Variants in UPF2 observed in about 807,000 individuals in gnomAD.
UPF2 encodes regulator of nonsense transcripts 2.
Under a neutral mutation model 141.4 loss-of-function variants are expected in UPF2, and 17 were observed. That is an observed-to-expected ratio of 0.12 (90% CI 0.08 to 0.18). UPF2 has a LOEUF of 0.18. Ranked by LOEUF, UPF2 falls within the 10% of genes least tolerant of loss-of-function variation. UPF2 has a pLI of 1.00. For missense variants in UPF2, 1,152 were observed against 1,515.9 expected (o/e 0.76, Z 3.99); for synonymous variants, 540 against 498.0 (o/e 1.08, Z -1.12).
chr10:12,031,981 G>A (rs1291558980), intron 2 of UPF2, among the ~76,000 whole-genome samples: 3 of 152,128 alleles, frequency 2.0e-5, no homozygotes, highest in African/African-American at 4.8e-5. Context: ...AAAATGAGCA[G>A]TGAAAGTACA....
chr10:11,967,467 A>G lies in UPF2; in HGVS notation c.1954-13T>C, dbSNP rs1036591684. 1.3e-6 allele frequency: 2 copies of G among 1,482,764 alleles called. No individual in the cohort carries two copies. The highest frequency in any genetic ancestry group is 2.9e-5 in the African/African-American group (2 of 69,748). 91.9% of individuals were successfully genotyped at this position (1,482,764 alleles called of 1,614,324 possible). On this transcript the variant is annotated splice_polypyrimidine_tract_variant and intron_variant, in intron 9 of 21. Coordinates refer to ENST00000357604, the MANE Select transcript of UPF2 (RefSeq NM_015542.4). ...CCTTTTTCCGTACCTAAAAATTAAG[A>G]GAGAAAAGATAATGCTTAATCAACA...
chr10:11,999,909 G>A lies in UPF2; in HGVS notation c.1755C>T (p.Asp585=). The A allele has an allele frequency of 6.2e-7, 1 of 1,612,844 alleles. No individual in the cohort carries two copies. Among genetic ancestry groups the A allele is most frequent in the African/African-American group, 1.3e-5 (1 of 74,984 alleles). Residue 585 remains aspartate (D), a synonymous_variant, in exon 7 of 22, where the codon GAC becomes GAT. Transcript: ENST00000357604. ...LPNCVNRDLI[D]KAAMDFCMNM... ...AGTTACACAGAGATACCAATACCTT[G>A]TCTATCAGATCTCGGTTGACACAGT...
chr10:11,946,391 A>G (rs1363652859), intron 16 of UPF2, among the ~76,000 whole-genome samples: 1 of 152,218 alleles, frequency 6.6e-6, no homozygotes, highest in African/African-American at 2.4e-5. Context: ...TTGCAAATCT[A>G]TCTTATGAAT....
intron 9 of UPF2, among the ~76,000 whole-genome samples, chr10:11,968,862 CTTTCT>C (rs1463180013): frequency 1.3e-5 from 2 of 152,126 alleles, no homozygotes; most frequent in African/African-American, 2.4e-5. Context: ...TAGTTTAGCA[CTTTCT>C]TTTCTTGTTT....
intron 16 of UPF2, among the ~76,000 whole-genome samples, chr10:11,946,393 C>T (rs1354532255): frequency 1.3e-5 from 2 of 152,168 alleles, no homozygotes; most frequent in Non-Finnish European, 2.9e-5. Context: ...GCAAATCTAT[C>T]TTATGAATGT....
Position 12,028,807 on chromosome 10 carries a change from C to G in UPF2, c.1083G>C (p.Thr361=), listed in dbSNP as rs531791771. The G allele has an allele frequency of 1.2e-6, 2 of 1,614,072 alleles. No homozygotes were observed. The highest frequency in any genetic ancestry group is 2.2e-5 in the East Asian group (1 of 44,876). The change falls in exon 3 of 22, where the codon ACG becomes ACC. Residue 361 remains threonine (T), a synonymous_variant. Coordinates refer to ENST00000357604, the MANE Select transcript of UPF2 (RefSeq NM_015542.4). ...PFQNLLKEYF[T]SLTKHLKRDH... ...CCCTTTTCAGGTGTTTGGTCAAAGA[C>G]GTAAAGTACTCTTTTAAAAGATTCT...
intron 18 of UPF2, among the ~76,000 whole-genome samples, chr10:11,941,724 C>T (rs1458064569): frequency 6.6e-6 from 1 of 152,196 alleles, no homozygotes; most frequent in African/African-American, 2.4e-5. Flanking sequence ...GGCCTGCATC[C>T]TGCCATTCGA....
chr10:11,947,374 T>A (rs1270881779), intron 16 of UPF2, among the ~76,000 whole-genome samples: 1 of 152,220 alleles, frequency 6.6e-6, no homozygotes. Flanking sequence ...AGATTTCATA[T>A]AACCATGAGA....
At chr10:11,947,517 CACACCCAT>C (rs1833016107) in intron 16 of UPF2, among the ~76,000 whole-genome samples, 1 of 152,092 alleles carries the variant, frequency 6.6e-6, no homozygotes, top group African/African-American at 2.4e-5. Context: ...TGCAATGGCT[CACACCCAT>C]AATCCCAGCT....
At chr10:12,035,617 T>C (rs1296918121) in intron 1 of UPF2, 176 bp from the exon 2 acceptor site, 3 of 668,302 alleles carry the variant, frequency 4.5e-6, no homozygotes, top group African/African-American at 3.8e-5. Flanking sequence ...ACATTCCACA[T>C]CCTATCATTA....
chr10:11,972,547 G>A (rs935851592), intron 9 of UPF2, among the ~76,000 whole-genome samples: 8 of 151,968 alleles, frequency 5.3e-5, no homozygotes, highest in African/African-American at 1.7e-4. Context: ...TCCACTCCAC[G>A]ACAGGCCCCG....
intron 1 of UPF2, chr10:12,035,755 ACTCC>A: frequency 5.1e-6 from 1 of 195,654 alleles, no homozygotes. Context: ...GCCACTATCA[ACTCC>A]AAAACAATAT....
chr10:11,975,981 TA>T (rs1174016488), intron 9 of UPF2, among the ~76,000 whole-genome samples: 1 of 152,230 alleles, frequency 6.6e-6, no homozygotes, highest in East Asian at 1.9e-4. Context: ...TTTGTTTACT[TA>T]GGACATGTCC....
rs112489937 is a variant in UPF2 at position 11,963,327 on chromosome 10, TATTCATTC to T, written c.2184+674_2184+681del. Among the ~76,000 whole-genome samples the T allele has an allele frequency of 2.2e-4, 32 of 144,880 alleles. 1 individual carries two copies. The Middle Eastern group carries it at 0.015, about 67-fold the overall frequency. ...CATCCCTCCTATCTAGCTGTGTGAG[TATTCATTC>T]ATTCATTCATTCATTCATTCGAGAC... is the stretch of plus-strand genomic sequence containing the variant. On this transcript the variant is annotated intron_variant, in intron 11 of 21. Transcript: ENST00000357604.
intron 3 of UPF2, among the ~76,000 whole-genome samples, chr10:12,015,512 G>A (rs1720841004): frequency 6.6e-6 from 1 of 152,200 alleles, no homozygotes; most frequent in Admixed American, 6.5e-5. Context: ...GACCAGCCTG[G>A]TCAACATGGC....
At chr10:11,993,534 A>G (rs917582901) in intron 8 of UPF2, among the ~76,000 whole-genome samples, 9 of 151,604 alleles carry the variant, frequency 5.9e-5, no homozygotes, top group African/African-American at 2.2e-4. Context: ...TCCAAAAAAA[A>G]AACCAGACAG....
Position 12,042,733 on chromosome 10 carries a change from A to T in UPF2, c.-19+22T>A, listed in dbSNP as rs1288454557. 1 of 151,774 alleles carries T rather than the reference A, an allele frequency of 6.6e-6. No individual in the cohort carries two copies. Among genetic ancestry groups the T allele is most frequent in the Non-Finnish European group, 1.5e-5 (1 of 68,166 alleles). 9.4% of individuals were successfully genotyped at this position (151,774 alleles called of 1,614,324 possible). On this transcript the variant is annotated intron_variant, in intron 1 of 21. Coordinates refer to ENST00000357604, the MANE Select transcript of UPF2 (RefSeq NM_015542.4). The surrounding 1 kb of genome is among the most constrained non-coding windows in gnomAD (Gnocchi z 5.5). ...CCTCCCGATCGTTGGAGCGGAGGGG[A>T]AGGAGGATCCCCGGGACTCACCTCG...
At chr10:11,954,091 T>A (rs1056097288) in intron 14 of UPF2, among the ~76,000 whole-genome samples, 11 of 152,196 alleles carry the variant, frequency 7.2e-5, no homozygotes, top group African/African-American at 2.7e-4. Context: ...GAAATAGTAA[T>A]TGGGCTCCAA....
chr10:11,973,499 A>G (rs1046582114), intron 9 of UPF2, among the ~76,000 whole-genome samples: 4 of 152,146 alleles, frequency 2.6e-5, no homozygotes. Context: ...GTTTTCTTCT[A>G]GGGTTTTTAT....
Sources: allele counts gnomAD v4.1 joint callset (sites outside exome capture counted in the v4.1 genomes callset), GRCh38; gene constraint gnomAD v4.1.1; non-coding constraint Gnocchi (gnomAD v3.1); transcripts MANE v1.5; gene names NCBI Gene and HGNC (gene_info 2026-07-23, HGNC 2026-07-21).